NPAS3: variants seen among roughly 807,000 people sequenced by gnomAD.
NPAS3 encodes neuronal PAS domain protein 3, also known as neuronal PAS domain-containing protein 3.
NPAS3 carries 14 observed loss-of-function variants against 73.1 expected under a neutral mutation model. That is an observed-to-expected ratio of 0.19 (90% CI 0.13 to 0.30). The LOEUF (loss-of-function observed/expected upper bound fraction) is 0.30, where lower values mean the gene tolerates loss of function less well. NPAS3 is among the 10% of genes least tolerant of loss of function. The pLI, the probability that NPAS3 is intolerant of heterozygous loss-of-function variation, is 1.00. For synonymous variants in NPAS3, 620 were observed against 541.5 expected (o/e 1.14, Z -2.01); for missense variants, 1,096 against 1,250.0 (o/e 0.88, Z 1.86).
At chr14:33,719,573 G>A (rs1189412967) in intron 6 of NPAS3, among the ~76,000 whole-genome samples, 1 of 152,156 alleles carries the variant, frequency 6.6e-6, no homozygotes, top group Non-Finnish European at 1.5e-5. Flanking sequence ...TGCCAAAACT[G>A]TCTAACAGAG....
At chr14:33,741,858 T>G (rs975065509) in intron 7 of NPAS3, among the ~76,000 whole-genome samples, 5 of 152,204 alleles carry the variant, frequency 3.3e-5, no homozygotes, top group African/African-American at 4.8e-5. Flanking sequence ...CTTCTCTGAC[T>G]AATGCTGTAT....
chr14:33,435,835 ATCT>A (rs1030338457), intron 4 of NPAS3, among the ~76,000 whole-genome samples: 79 of 152,310 alleles, frequency 5.2e-4, no homozygotes, highest in African/African-American at 1.8e-3. Flanking sequence ...TGCCATGATC[ATCT>A]TCATCATCAT....
intron 3 of NPAS3, among the ~76,000 whole-genome samples, chr14:33,360,240 A>G (rs1386518733): frequency 6.6e-6 from 1 of 152,034 alleles, no homozygotes; most frequent in Non-Finnish European, 1.5e-5. Context: ...TTCATGTTAG[A>G]TTAAAAATCA....
At chr14:33,081,169 G>C (rs2041852529) in intron 2 of NPAS3, among the ~76,000 whole-genome samples, 1 of 152,088 alleles carries the variant, frequency 6.6e-6, no homozygotes, top group South Asian at 2.1e-4. Flanking sequence ...GCGTGTTCAG[G>C]GTGGTATGGC....
intron 7 of NPAS3, among the ~76,000 whole-genome samples, chr14:33,740,080 G>A (rs2061619622): frequency 6.6e-6 from 1 of 152,148 alleles, no homozygotes; most frequent in African/African-American, 2.4e-5. Flanking sequence ...GTAAAATGAA[G>A]CTATTAATAG....
intron 3 of NPAS3, among the ~76,000 whole-genome samples, chr14:33,317,044 G>T (rs2043234474): frequency 6.6e-6 from 1 of 152,118 alleles, no homozygotes; most frequent in African/African-American, 2.4e-5. Flanking sequence ...TCTAATAGGA[G>T]TGAGAGGGAA....
intron 4 of NPAS3, among the ~76,000 whole-genome samples, chr14:33,401,754 T>A (rs1228060535): frequency 1.3e-5 from 2 of 152,100 alleles, no homozygotes; most frequent in African/African-American, 4.8e-5. Flanking sequence ...AAAAACACTC[T>A]TAGCGTACAC....
At chr14:33,650,601 T>A (rs1188967181) in intron 5 of NPAS3, among the ~76,000 whole-genome samples, 1 of 152,234 alleles carries the variant, frequency 6.6e-6, no homozygotes, top group Non-Finnish European at 1.5e-5. Context: ...TCACCTCTGA[T>A]CTTCCCCTCC....
At chr14:33,200,781 C>T (rs931332915) in intron 2 of NPAS3, among the ~76,000 whole-genome samples, 1 of 152,040 alleles carries the variant, frequency 6.6e-6, no homozygotes, top group Non-Finnish European at 1.5e-5. Flanking sequence ...AATGAATATC[C>T]CCTATGTGCT....
intron 5 of NPAS3, among the ~76,000 whole-genome samples, chr14:33,653,891 T>C (rs7144144): frequency 0.45 from 67,956 of 152,010 alleles, 15,377 homozygotes; most frequent in Non-Finnish European, 0.47. Context: ...TGTGTAGAAA[T>C]AGATGTGCCT....
At chr14:33,666,027 G>T (rs1010854610) in intron 5 of NPAS3, among the ~76,000 whole-genome samples, 2 of 152,106 alleles carry the variant, frequency 1.3e-5, no homozygotes, top group African/African-American at 4.8e-5. Flanking sequence ...TGTCCTTGTG[G>T]TACCAACTTG....
chr14:33,043,782 A>T (rs1266911856), intron 1 of NPAS3, among the ~76,000 whole-genome samples: 4 of 152,128 alleles, frequency 2.6e-5, no homozygotes, highest in Non-Finnish European at 5.9e-5. Flanking sequence ...GTTCAGATTT[A>T]AAAATGTATT....
chr14:33,662,984 C>T (rs1156889744), intron 5 of NPAS3, among the ~76,000 whole-genome samples: 1 of 150,818 alleles, frequency 6.6e-6, no homozygotes, highest in Non-Finnish European at 1.5e-5. Context: ...CCTCAGCCTC[C>T]TGAGTGGGTT....
chr14:33,575,309 A>G (rs535732890), intron 5 of NPAS3, among the ~76,000 whole-genome samples: 41 of 152,260 alleles, frequency 2.7e-4, no homozygotes, highest in Middle Eastern at 3.4e-3. Flanking sequence ...CATTGTTCCT[A>G]TTTTTTAACT....
chr14:33,763,799 A>C (rs1387170485), intron 7 of NPAS3, among the ~76,000 whole-genome samples: 1 of 150,494 alleles, frequency 6.6e-6, no homozygotes, highest in Non-Finnish European at 1.5e-5. Flanking sequence ...GATCATTTTT[A>C]GGTTTGATCA....
chr14:33,404,818 C>T (rs1006331484), intron 4 of NPAS3, among the ~76,000 whole-genome samples: 5 of 152,034 alleles, frequency 3.3e-5, no homozygotes, highest in African/African-American at 1.2e-4. Flanking sequence ...CTCTGTCAAC[C>T]AACAAAATCA....
intron 1 of NPAS3, among the ~76,000 whole-genome samples, chr14:32,955,341 T>G (rs1388905518): frequency 6.6e-6 from 1 of 152,162 alleles, no homozygotes; most frequent in Admixed American, 6.5e-5. Context: ...GTTGGATACA[T>G]TGCAGTCTTT....
chr14:33,483,193 G>A (rs980627896), intron 4 of NPAS3, among the ~76,000 whole-genome samples: 2 of 152,144 alleles, frequency 1.3e-5, no homozygotes, highest in African/African-American at 4.8e-5. Flanking sequence ...TGAAACTTCA[G>A]CGTAACTTAG....
intron 1 of NPAS3, among the ~76,000 whole-genome samples, chr14:32,953,236 C>T (rs1350507447): frequency 6.6e-6 from 1 of 151,892 alleles, no homozygotes; most frequent in African/African-American, 2.4e-5. Context: ...AGAAAGGCCT[C>T]CACAGCAAGT....
Sources: gnomAD v4.1 joint callset for allele counts (sites outside exome capture counted in the v4.1 genomes callset) on GRCh38, gnomAD v4.1.1 for gene constraint, MANE v1.5 for transcripts, NCBI Gene and HGNC (gene_info 2026-07-23, HGNC 2026-07-21) for gene names.